Variants in MKLN1 observed in about 807,000 individuals in gnomAD.
MKLN1 encodes the protein muskelin.
A neutral mutation model predicts 99.0 loss-of-function variants in MKLN1; 18 were observed. That is an observed-to-expected ratio of 0.18 (90% confidence interval 0.13 to 0.27). The LOEUF (loss-of-function observed/expected upper bound fraction) is 0.27, where lower values mean the gene tolerates loss of function less well. Among genes scored for constraint, MKLN1 ranks in the 10% least tolerant of loss-of-function variants. The pLI, the probability that MKLN1 is intolerant of heterozygous loss-of-function variation, is 1.00. For missense variants in MKLN1, 621 were observed against 875.9 expected (o/e 0.71, Z 3.67); for synonymous variants, 288 against 293.2 (o/e 0.98, Z 0.18).
intron 3 of MKLN1, among the ~76,000 whole-genome samples, chr7:131,283,327 C>T (rs1202865551): frequency 0.012 from 987 of 82,710 alleles, 40 homozygotes; most frequent in African/African-American, 0.062. Context: ...CCCTCCCTCC[C>T]TCCTTCCCTT....
intron 3 of MKLN1, among the ~76,000 whole-genome samples, chr7:131,259,854 C>T (rs886644340): frequency 2.0e-5 from 3 of 152,092 alleles, no homozygotes; most frequent in Non-Finnish European, 4.4e-5. Context: ...CTAGCCAGAG[C>T]AGTCAGGCAA....
intron 2 of MKLN1, among the ~76,000 whole-genome samples, chr7:131,184,999 A>G (rs1010165782): frequency 6.6e-6 from 1 of 152,212 alleles, no homozygotes; most frequent in Non-Finnish European, 1.5e-5. Flanking sequence ...CACGGCAGAC[A>G]CATGCTGGCA....
At chr7:131,394,624 C>A (rs924629147) in intron 4 of MKLN1, among the ~76,000 whole-genome samples, 7 of 151,974 alleles carry the variant, frequency 4.6e-5, no homozygotes, top group Non-Finnish European at 1.0e-4. Context: ...AGGTTTGGGC[C>A]TGGGGGTTTG....
chr7:131,197,826 C>A lies in MKLN1; in HGVS notation c.-296-5031C>A, dbSNP rs76188177. Among the ~76,000 whole-genome samples the A allele has an allele frequency of 8.8e-3, 1,339 of 151,824 alleles. 9 individuals are homozygous for A. Among genetic ancestry groups the A allele is most frequent in the Non-Finnish European group, 0.014 (933 of 67,906 alleles). On this transcript the variant is annotated intron_variant, in intron 2 of 7. Coordinates refer to the MKLN1 transcript ENST00000416992. ...GTGATTTCTAATCTAATACTGCCAG[C>A]ATTTTAAAAATCAGCATGTTTTTTT...
chr7:131,192,605 G>A (rs895237752), intron 2 of MKLN1, among the ~76,000 whole-genome samples: 5 of 150,006 alleles, frequency 3.3e-5, no homozygotes, highest in African/African-American at 9.8e-5. Flanking sequence ...GCAATGGCAC[G>A]ATCTTAGCTC....
In MKLN1 at chr7:131,172,111, G is replaced by T. The variant is rs147383816; in HGVS notation, c.-297+29170G>T. ...GGAGTCCATTAATCTGTCCACACAA[G>T]AATTTATTTATTTATTTATTTTTAT... On this transcript the variant is annotated intron_variant, in intron 2 of 7. Transcript: ENST00000416992. 7.4e-3 allele frequency among the ~76,000 whole-genome samples: 1,130 copies of T among 152,064 alleles called. 16 individuals are homozygous for T. The highest frequency in any genetic ancestry group is 0.026 in the African/African-American group (1,060 of 41,516).
At chr7:131,206,173 C>G (rs770073428) in intron 3 of MKLN1, among the ~76,000 whole-genome samples, 3 of 152,220 alleles carry the variant, frequency 2.0e-5, no homozygotes, top group Non-Finnish European at 2.9e-5. Flanking sequence ...GATTACAGGC[C>G]TGAGCCACCA....
At chr7:131,224,953 G>T (rs563525231) in intron 3 of MKLN1, among the ~76,000 whole-genome samples, 1 of 151,726 alleles carries the variant, frequency 6.6e-6, no homozygotes, top group South Asian at 2.1e-4. Context: ...GGCACCTGTA[G>T]TCCCAGCTAC....
In MKLN1 at chr7:131,343,457, T is replaced by C. The variant is rs528883468; in HGVS notation, c.98+15460T>C. Among the ~76,000 whole-genome samples, 43 of 152,358 alleles carry C rather than the reference T, an allele frequency of 2.8e-4. No homozygotes were observed. In the South Asian group the frequency reaches 8.7e-3, roughly 31 times the overall value. ...TTTTCAGTTTTTGTTAAGATTTATTTTATAGTTACACTATTGTATTTATTG... is the reference window on the plus strand; with the variant it reads ...TTTTCAGTTTTTGTTAAGATTTATTCTATAGTTACACTATTGTATTTATTG... On this transcript the variant is annotated intron_variant, in intron 1 of 17. Coordinates refer to ENST00000352689, the MANE Select transcript of MKLN1 (RefSeq NM_013255.5).
chr7:131,256,638 T>A (rs28538053), intron 3 of MKLN1, among the ~76,000 whole-genome samples: 12,546 of 152,236 alleles, frequency 0.082, 566 homozygotes, highest in Middle Eastern at 0.14. Flanking sequence ...GAGAAAAGAA[T>A]GAAATCATGT....
intron 2 of MKLN1, among the ~76,000 whole-genome samples, chr7:131,156,686 C>A (rs987095067): frequency 6.6e-6 from 1 of 152,086 alleles, no homozygotes; most frequent in African/African-American, 2.4e-5. Flanking sequence ...TCTGCTAAGC[C>A]GCGATGTGCA....
chr7:131,438,411 A>G (rs747944519), intron 10 of MKLN1, among the ~76,000 whole-genome samples: 1 of 150,756 alleles, frequency 6.6e-6, no homozygotes, highest in Non-Finnish European at 1.5e-5. Flanking sequence ...TTCCAGTTAG[A>G]GTGAAATATA....
chr7:131,261,908 C>T (rs565631485), intron 3 of MKLN1, among the ~76,000 whole-genome samples: 1 of 152,186 alleles, frequency 6.6e-6, no homozygotes, highest in South Asian at 2.1e-4. Flanking sequence ...GAACAGAAAA[C>T]TAAATACCAC....
chr7:131,260,960 G>A (rs1223810436), intron 3 of MKLN1, among the ~76,000 whole-genome samples: 3 of 152,168 alleles, frequency 2.0e-5, no homozygotes. Flanking sequence ...ATTGAAGCTG[G>A]ACTCCTTCTT....
intron 3 of MKLN1, among the ~76,000 whole-genome samples, chr7:131,277,535 C>T (rs1384915116): frequency 5.3e-5 from 8 of 152,130 alleles, no homozygotes; most frequent in Admixed American, 6.6e-5. Context: ...CCACCTGCCT[C>T]GGCCTCCCAA....
At chr7:131,358,368 G>A (rs1375454486) in intron 1 of MKLN1, among the ~76,000 whole-genome samples, 4 of 152,120 alleles carry the variant, frequency 2.6e-5, no homozygotes, top group Non-Finnish European at 4.4e-5. Flanking sequence ...TATTGAAATA[G>A]CCCTGTAATA....
chr7:131,342,546 G>A (rs1244889547), intron 1 of MKLN1, among the ~76,000 whole-genome samples: 1 of 152,152 alleles, frequency 6.6e-6, no homozygotes, highest in East Asian at 1.9e-4. Context: ...AGTGAAACTT[G>A]TTTATGAATT....
intron 3 of MKLN1, among the ~76,000 whole-genome samples, chr7:131,297,594 G>C (rs1394576960): frequency 3.3e-5 from 5 of 152,042 alleles, no homozygotes; most frequent in Non-Finnish European, 7.4e-5. Flanking sequence ...AGTCTACTGA[G>C]GGATGATACA....
intron 8 of MKLN1, among the ~76,000 whole-genome samples, chr7:131,418,575 A>G (rs1415738249): frequency 6.6e-6 from 1 of 152,220 alleles, no homozygotes; most frequent in East Asian, 1.9e-4. Flanking sequence ...ATTGAAAGCC[A>G]TCCTGGGCCT....
Sources: allele counts gnomAD v4.1 joint callset (sites outside exome capture counted in the v4.1 genomes callset), GRCh38; gene constraint gnomAD v4.1.1; transcripts MANE v1.5; gene names NCBI Gene and HGNC (gene_info 2026-07-23, HGNC 2026-07-21).